RESP18: variants seen among roughly 807,000 people sequenced by gnomAD.
The protein encoded by RESP18 is regulated endocrine specific protein 18, also known as regulated endocrine-specific protein 18.
In RESP18, 30 loss-of-function variants were observed where a neutral mutation model predicts 30.0. The observed-to-expected ratio is 1.00, with a 90% CI of 0.75 to 1.36. The LOEUF is 1.36. Ranked by LOEUF, RESP18 falls within the 40% of genes most tolerant of loss-of-function variation. The pLI, the probability that RESP18 is intolerant of heterozygous loss-of-function variation, is 0.00. For missense variants in RESP18, 320 were observed against 284.2 expected (o/e 1.13, Z -0.91); for synonymous variants, 117 against 111.2 (o/e 1.05, Z -0.33).
chr2:219,328,687 G>A (rs1308523902), intron 6 of RESP18, among the ~76,000 whole-genome samples: 1 of 152,130 alleles, frequency 6.6e-6, no homozygotes, highest in Non-Finnish European at 1.5e-5. Flanking sequence ...TTTCCATTCT[G>A]GATTCTGAAG....
chr2:219,329,034 A>C, intron 5 of RESP18, 26 bp from the exon 5 acceptor site: 3 of 1,524,492 alleles, frequency 2.0e-6, no homozygotes, highest in Non-Finnish European at 2.7e-6. Flanking sequence ...AATTAGAAGT[A>C]CCTTTGATTA....
chr2:219,332,603 GCT>G lies in RESP18; in HGVS notation c.151_152del (p.Ser51LeufsTer24). Reference sequence around the variant, plus strand: ...AGACAAGCAGCTGGAGCCCCTCGGAGCTCCCAGGCCACAGTGGGTGCTGTATC... The same window carrying G: ...AGACAAGCAGCTGGAGCCCCTCGGAGCCCAGGCCACAGTGGGTGCTGTATC... On this transcript the variant is annotated frameshift_variant, in exon 2 of 7. Transcript: ENST00000333527. LOFTEE classifies it high-confidence loss of function. The G allele has an allele frequency of 6.4e-7, 1 of 1,551,418 alleles. No homozygotes were observed. The highest frequency in any genetic ancestry group is 8.7e-7 in the Non-Finnish European group (1 of 1,146,964).
At chr2:219,329,297 T>G in intron 4 of RESP18, 45 bp from the exon 4 acceptor site, 1 of 1,551,522 alleles carries the variant, frequency 6.4e-7, no homozygotes, top group African/African-American at 1.4e-5. Context: ...CAGAAAAGGG[T>G]GAGAGGGCCC....
rs766732268 is a variant in RESP18, at chr2:219,329,148, AAGTG to A, written c.555+11_555+14del. 1.3e-6 allele frequency: 2 copies of A among 1,549,862 alleles called. No individual in the cohort carries two copies. Among genetic ancestry groups the A allele is most frequent in the African/African-American group, 2.7e-5 (2 of 72,966 alleles). ...TAAACAGGTCCAACCTCCCTAGAAA[AAGTG>A]AGCCCCTCACCTTGACAGGGTTGGC... On this transcript the variant is annotated intron_variant, in intron 5 of 6. Coordinates refer to ENST00000333527, the MANE Select transcript of RESP18 (RefSeq NM_001007089.4).
At chr2:219,330,705 T>A in intron 3 of RESP18, 66 bp downstream of exon 2, 1 of 1,000,108 alleles carries the variant, frequency 1.0e-6, no homozygotes, top group Non-Finnish European at 1.5e-6. Context: ...TCAGGTCGGA[T>A]AGCCCCTCTT....
At chr2:219,330,648 G>T in intron 3 of RESP18, 123 bp downstream of exon 2, 2 of 591,258 alleles carry the variant, frequency 3.4e-6, no homozygotes, top group South Asian at 2.0e-5. Flanking sequence ...GGGGGTAAAT[G>T]TGACAAAGTT....
In RESP18 at chr2:219,330,777, G is replaced by A. The variant is rs763619211; in HGVS notation, c.331C>T (p.Pro111Ser). 14 of 1,547,168 alleles carry A rather than the reference G, an allele frequency of 9.0e-6. No homozygotes were observed. Among genetic ancestry groups the A allele is most frequent in the Admixed American group, 2.0e-5 (1 of 50,946 alleles). Reference sequence around the variant, plus strand: ...TTCTCCAGCTTTTACTTACCTTGGGGTATAATCTGCTGGAGCACAACCTGT... The same window carrying A: ...TTCTCCAGCTTTTACTTACCTTGGGATATAATCTGCTGGAGCACAACCTGT... Residue 111 changes from proline (P) to serine (S), a missense_variant, in exon 3 of 7, where the codon CCC becomes TCC. By Grantham distance (74) the Pro-to-Ser change is moderately conservative. Transcript: ENST00000333527.
In RESP18 at chr2:219,329,394, T is replaced by C. The variant is rs988118348; in HGVS notation, c.466-142A>G. The C allele has an allele frequency of 2.6e-6, 4 of 1,551,276 alleles. No homozygotes were observed. In the African/African-American group the frequency reaches 5.5e-5, roughly 21 times the overall value. On this transcript the variant is annotated intron_variant, in intron 4 of 6. Coordinates refer to ENST00000333527, the MANE Select transcript of RESP18 (RefSeq NM_001007089.4). ...CTCACTGGGGAATAGGAGTTGAAGTTTCTCCTCTTGCTAGAAGAGACAGGG... is the reference window on the plus strand; with the variant it reads ...CTCACTGGGGAATAGGAGTTGAAGTCTCTCCTCTTGCTAGAAGAGACAGGG...
At chr2:219,327,640 A>G in intron 6 of RESP18, 77 bp from the exon 6 acceptor site, 1 of 1,238,462 alleles carries the variant, frequency 8.1e-7, no homozygotes, top group Non-Finnish European at 1.2e-6. Flanking sequence ...CTCCTTCCAC[A>G]AATACTGTAG....
At position 219,330,842 on chromosome 2, in the gene RESP18, C is replaced by T. The variant is rs1204798082; in HGVS notation, c.266G>A (p.Trp89Ter). Residue 89 changes from tryptophan (W) to a stop codon, truncating the protein, a stop_gained, in exon 3 of 7, where the codon TGG (tryptophan) becomes TAG (stop). Transcript: ENST00000333527. LOFTEE classifies it high-confidence loss of function. The stretch of plus-strand genomic sequence containing the variant: ...TGGGGTGGCAAATCCTTGGAGGGGC[C>T]AAAGCTGCCCCACTCCTACTTGGTC... The T allele has an allele frequency of 5.2e-6, 8 of 1,551,364 alleles. No individual in the cohort carries two copies. Among genetic ancestry groups the T allele is most frequent in the Admixed American group, 2.0e-5 (1 of 50,962 alleles).
intron 6 of RESP18, among the ~76,000 whole-genome samples, chr2:219,328,656 A>G (rs1032985160): frequency 2.0e-5 from 3 of 152,124 alleles, no homozygotes; most frequent in Admixed American, 6.5e-5. Context: ...ATAAAGATGG[A>G]TGGGAGTACT....
At chr2:219,328,895 T>G (rs1309487359) in intron 6 of RESP18, 29 bp downstream of exon 5, 1 of 1,442,666 alleles carries the variant, frequency 6.9e-7, no homozygotes, top group East Asian at 2.5e-5. Flanking sequence ...CTCTGCTGTT[T>G]CAATGCCTAT....
Position 219,329,724 on chromosome 2 carries a change from G to T in RESP18, c.378C>A (p.Ile126=). The T allele has an allele frequency of 6.4e-7, 1 of 1,551,632 alleles. No homozygotes were observed. Among genetic ancestry groups the T allele is most frequent in the Non-Finnish European group, 8.7e-7 (1 of 1,146,990 alleles). Residue 126 remains isoleucine (I), a synonymous_variant, in exon 4 of 7, where the codon ATC becomes ATA. Transcript: ENST00000333527. Reference sequence around the variant, plus strand: ...GTCTGCTGGCATGCTCCATCTTTTGGATCATTGCATCCTGGGTGATGTCAT... The same window carrying T: ...GTCTGCTGGCATGCTCCATCTTTTGTATCATTGCATCCTGGGTGATGTCAT...
Position 219,327,427 on chromosome 2 carries a change from A to T in RESP18, c.*90T>A. The T allele has an allele frequency of 8.5e-7, 1 of 1,181,590 alleles. No individual in the cohort carries two copies. Among genetic ancestry groups the T allele is most frequent in the Non-Finnish European group, 1.2e-6 (1 of 811,188 alleles). The allele number at this position is 1,181,590 out of a possible 1,614,324, so 73.2% of individuals were successfully genotyped here. A position where few individuals can be genotyped will look rare whatever the true frequency, so the allele number is the denominator to read the frequency against. On this transcript the variant is annotated 3_prime_UTR_variant, in exon 7 of 7. Transcript: ENST00000333527. ...CAGTGTTTGCATGAGAGTCTACTTT[A>T]ATGATTCAAATCTGGGTCATCCAAG...
intron 2 of RESP18, among the ~76,000 whole-genome samples, chr2:219,331,923 AATC>A: frequency 6.6e-6 from 1 of 152,186 alleles, no homozygotes; most frequent in African/African-American, 2.4e-5. Flanking sequence ...TAAAACCAAA[AATC>A]AGGGAGAGGG....
chr2:219,332,591 G>A lies in RESP18; in HGVS notation c.165C>T (p.Leu55=). ...GCAGCAGGAAGCAGACAAGCAGCTG[G>A]AGCCCCTCGGAGCTCCCAGGCCACA... The change falls in exon 2 of 7, where the codon CTC becomes CTT. Residue 55 remains leucine, a synonymous_variant. Coordinates refer to ENST00000333527, the MANE Select transcript of RESP18 (RefSeq NM_001007089.4). The A allele has an allele frequency of 6.4e-7, 1 of 1,551,394 alleles. No individual in the cohort carries two copies. The highest frequency in any genetic ancestry group is 8.7e-7 in the Non-Finnish European group (1 of 1,146,970).
chr2:219,329,852 T>C, intron 3 of RESP18, 88 bp from the exon 3 acceptor site: 1 of 1,299,440 alleles, frequency 7.7e-7, no homozygotes, highest in Non-Finnish European at 1.1e-6. Flanking sequence ...CTCAAGTATA[T>C]ATTAGATTAC....
At position 219,328,933 on chromosome 2, in the gene RESP18, T is replaced by C; in HGVS notation, c.631A>G (p.Lys211Glu). The C allele has an allele frequency of 6.5e-7, 1 of 1,548,852 alleles. No individual in the cohort carries two copies. Among genetic ancestry groups the C allele is most frequent in the Non-Finnish European group, 8.7e-7 (1 of 1,144,310 alleles). ...TAAACTCAATACTTACGCATGATCT[T>C]ATAGATAATTTCTTCCTTAGAGGGT... Residue 211 changes from lysine to glutamate, a missense_variant, in exon 6 of 7, where the codon AAG becomes GAG. Lys to Glu is a moderately conservative substitution (Grantham distance 56). Transcript: ENST00000333527.
chr2:219,330,636 A>G lies in RESP18; in HGVS notation c.337+135T>C. ...CCACTCCTACTCCTGTCTCATCCCC[A>G]TGGGGGTAAATGTGACAAAGTTTTA... On this transcript the variant is annotated intron_variant, in intron 3 of 6. Transcript: ENST00000333527. The G allele has an allele frequency of 5.3e-6, 3 of 561,456 alleles. No homozygotes were observed. In the South Asian group the frequency reaches 6.1e-5, roughly 11 times the overall value. 34.8% of individuals were successfully genotyped at this position (561,456 alleles called of 1,614,324 possible).
Sources: gnomAD v4.1 joint callset for allele counts (sites outside exome capture counted in the v4.1 genomes callset) on GRCh38, gnomAD v4.1.1 for gene constraint, MANE v1.5 for transcripts, NCBI Gene and HGNC (gene_info 2026-07-23, HGNC 2026-07-21) for gene names.